MACF1: variants seen among roughly 807,000 people sequenced by gnomAD.
The protein encoded by MACF1 is microtubule-actin cross-linking factor 1.
A neutral mutation model predicts 854.8 loss-of-function variants in MACF1; 193 were observed. That is an observed-to-expected ratio of 0.23 (90% CI 0.20 to 0.25). The LOEUF (loss-of-function observed/expected upper bound fraction) is 0.25. Ranked by LOEUF, MACF1 falls within the 10% of genes least tolerant of loss-of-function variation. The pLI is 1.00. For synonymous variants in MACF1, 3,185 were observed against 3,226.7 expected, an observed-to-expected ratio of 0.99 and a Z score of 0.44; for missense variants, 7,722 against 8,929.1, an observed-to-expected ratio of 0.86 and a Z score of 5.45.
Position 39,105,386 on chromosome 1 carries a change from G to A in MACF1, c.220+20948G>A. ...GGCTGAGGGAGGAGCGGAGCCGAGG[G>A]GTGAGGACGCGGAAACGCGAGCCGG... On this transcript the variant is annotated intron_variant, in intron 2 of 93. Coordinates refer to the MACF1 transcript ENST00000361689. This position sits in a 1 kb window ranked among gnomAD's most constrained non-coding sequence, Gnocchi z 5.9. The A allele has an allele frequency of 1.0e-6, 1 of 986,582 alleles. No individual in the cohort carries two copies. The highest frequency in any genetic ancestry group is 6.2e-5 in the Admixed American group (1 of 16,178). 61.1% of individuals were successfully genotyped at this position (986,582 alleles called of 1,614,324 possible).
At position 39,353,118 on chromosome 1, in the gene MACF1, A is replaced by G; in HGVS notation, c.11311A>G (p.Met3771Val). ...GGQLLTNLPG[M>V]EQLSGASLEK... ...ACAGCTGCTGACCAACCTTCCAGGA[A>G]TGGAGCAGCTCTCGGGAGCTAGCTT... Residue 3771 changes from methionine to valine, a missense_variant, in exon 44 of 101, where the codon ATG becomes GTG. Physicochemically the swap from Met to Val is conservative, Grantham distance 21. This residue lies in a region of MACF1 where 2,807 missense variants were observed against 3,235.8 expected (regional missense o/e 0.87). Coordinates refer to ENST00000564288, the MANE Select transcript of MACF1 (RefSeq NM_001394062.1). The G allele has an allele frequency of 5.0e-6, 8 of 1,614,158 alleles. No homozygotes were observed. The highest frequency in any genetic ancestry group is 5.9e-6 in the Non-Finnish European group (7 of 1,180,006).
chr1:39,190,250 C>T (rs1644233778), intron 2 of MACF1, among the ~76,000 whole-genome samples: 1 of 151,848 alleles, frequency 6.6e-6, no homozygotes, highest in African/African-American at 2.4e-5. Flanking sequence ...AATTTCTTTT[C>T]TTTTCTCCCT....
At chr1:39,273,892 G>C (rs538777830) in intron 6 of MACF1, among the ~76,000 whole-genome samples, 1 of 152,090 alleles carries the variant, frequency 6.6e-6, no homozygotes. Context: ...GCCCAGCCTT[G>C]TTTCTTTTTA....
intron 14 of MACF1, among the ~76,000 whole-genome samples, chr1:39,286,207 T>C (rs547249318): frequency 1.3e-5 from 2 of 151,692 alleles, no homozygotes; most frequent in Admixed American, 1.3e-4. Context: ...AGAGACGGGG[T>C]TTTGCCATTT....
At chr1:39,469,649 C>T (rs1644739053) in intron 97 of MACF1, 34 bp downstream of exon 97, 1 of 1,497,112 alleles carries the variant, frequency 6.7e-7, no homozygotes, top group African/African-American at 1.4e-5. Context: ...CTTCCTCACA[C>T]CCTAGCCCAT....
At chr1:39,426,754 A>G (rs1402267405) in intron 61 of MACF1, among the ~76,000 whole-genome samples, 1 of 151,432 alleles carries the variant, frequency 6.6e-6, no homozygotes. Context: ...TAAAGTCTGT[A>G]GTTTTTTTTG....
At chr1:39,309,143 G>A (rs1646247821) in intron 23 of MACF1, among the ~76,000 whole-genome samples, 1 of 151,966 alleles carries the variant, frequency 6.6e-6, no homozygotes, top group South Asian at 2.1e-4. Flanking sequence ...TCTCTGGCTT[G>A]TAATCATCAT....
At chr1:39,290,737 G>A (rs908109041) in intron 15 of MACF1, among the ~76,000 whole-genome samples, 6 of 148,224 alleles carry the variant, frequency 4.0e-5, no homozygotes, top group African/African-American at 1.0e-4. Flanking sequence ...GCACGATCTC[G>A]GCTCACTGCA....
intron 89 of MACF1, among the ~76,000 whole-genome samples, chr1:39,456,385 A>G (rs765659959): frequency 6.6e-6 from 1 of 152,170 alleles, no homozygotes; most frequent in Non-Finnish European, 1.5e-5. Flanking sequence ...CTTTGATTAC[A>G]TGAGATAGTC....
intron 1 of MACF1, among the ~76,000 whole-genome samples, chr1:39,222,371 CA>C (rs1332177416): frequency 6.6e-6 from 1 of 152,202 alleles, no homozygotes; most frequent in African/African-American, 2.4e-5. Context: ...GTGATCCACA[CA>C]CCTTAACCTC....
At chr1:39,146,525 T>A (rs1424193253) in intron 2 of MACF1, among the ~76,000 whole-genome samples, 1 of 151,194 alleles carries the variant, frequency 6.6e-6, no homozygotes, top group Non-Finnish European at 1.5e-5. Flanking sequence ...TAAAAAAGAA[T>A]GACATTCTGT....
intron 1 of MACF1, among the ~76,000 whole-genome samples, chr1:39,208,923 A>G (rs1336471804): frequency 6.6e-6 from 1 of 152,010 alleles, no homozygotes; most frequent in East Asian, 1.9e-4. Flanking sequence ...ACTATTACTC[A>G]TCTCAGTATC....
At chr1:39,295,423 AATAACT>A (rs1315249865) in intron 19 of MACF1, among the ~76,000 whole-genome samples, 3 of 152,214 alleles carry the variant, frequency 2.0e-5, no homozygotes, top group Non-Finnish European at 4.4e-5. Context: ...TATTTCTTCA[AATAACT>A]ATCCAGACAG....
At chr1:39,375,305 C>CT (rs1039084685) in intron 52 of MACF1, among the ~76,000 whole-genome samples, 99 of 145,524 alleles carry the variant, frequency 6.8e-4, no homozygotes, top group Non-Finnish European at 9.9e-4. Flanking sequence ...TTCTTTCTTT[C>CT]TTTTTTTTTT....
chr1:39,442,184 T>G lies in MACF1; in HGVS notation c.18812T>G (p.Met6271Arg). The part of the protein sequence containing the change: ...KVEVYQQQIE[M>R]EKLNHQGELM... ...GAAGTTTACCAACAGCAAATTGAGA[T>G]GGAGAAGCTTAATCACCAGGGTGAA... is the stretch of plus-strand genomic sequence containing the variant. Residue 6271 changes from methionine to arginine, a missense_variant, in exon 76 of 101, where the codon ATG (methionine) becomes AGG (arginine). Coordinates refer to ENST00000564288, the MANE Select transcript of MACF1 (RefSeq NM_001394062.1). 1 of 1,598,534 alleles carries G rather than the reference T, an allele frequency of 6.3e-7. No individual in the cohort carries two copies. Among genetic ancestry groups the G allele is most frequent in the Non-Finnish European group, 8.5e-7 (1 of 1,174,666 alleles).
chr1:39,163,766 C>A (rs960140854), intron 2 of MACF1, among the ~76,000 whole-genome samples: 5 of 152,194 alleles, frequency 3.3e-5, no homozygotes, highest in African/African-American at 1.2e-4. Context: ...CCAACATACA[C>A]CCTCAGAGAG....
At chr1:39,180,808 G>A (rs150402033) in intron 2 of MACF1, among the ~76,000 whole-genome samples, 56 of 152,288 alleles carry the variant, frequency 3.7e-4, no homozygotes, top group African/African-American at 1.3e-3. Flanking sequence ...GCTATGGTTG[G>A]CTAAGTCTCT....
At chr1:39,164,185 G>A (rs554959106) in intron 2 of MACF1, among the ~76,000 whole-genome samples, 3 of 152,150 alleles carry the variant, frequency 2.0e-5, no homozygotes, top group South Asian at 2.1e-4. Context: ...CTATGATAAC[G>A]AACATCCTTG....
intron 1 of MACF1, among the ~76,000 whole-genome samples, chr1:39,205,875 C>A (rs545131672): frequency 1.3e-5 from 2 of 152,090 alleles, no homozygotes; most frequent in Non-Finnish European, 2.9e-5. Context: ...GACTTCTAAA[C>A]ACTCAGAGCA....
Sources: allele counts gnomAD v4.1 joint callset (sites outside exome capture counted in the v4.1 genomes callset), GRCh38; gene constraint gnomAD v4.1.1; regional missense constraint gnomAD v4.1.1; non-coding constraint Gnocchi (gnomAD v3.1); transcripts MANE v1.5; gene names NCBI Gene and HGNC (gene_info 2026-07-23, HGNC 2026-07-21).